The following GPC6 variants were observed in gnomAD, a reference collection of about 807,000 sequenced individuals.
GPC6 encodes glypican 6.
A neutral mutation model predicts 55.2 loss-of-function variants in GPC6; 14 were observed. The ratio of observed to expected loss-of-function variants is 0.25; its 90% CI spans 0.17 to 0.40. The LOEUF (loss-of-function observed/expected upper bound fraction) is 0.40, where lower values mean the gene tolerates loss of function less well. GPC6 is among the 10% of genes least tolerant of loss of function. The probability of loss-of-function intolerance (pLI) is 1.00; values close to 1 mark genes in which losing one functional copy is unlikely to be tolerated. For synonymous variants in GPC6, 278 were observed against 259.6 expected, an observed-to-expected ratio of 1.07 and a Z score of -0.68; for missense variants, 641 against 708.5, an observed-to-expected ratio of 0.90 and a Z score of 1.08.
intron 1 of GPC6, among the ~76,000 whole-genome samples, chr13:93,520,012 CAT>C (rs1401240821): frequency 6.6e-6 from 1 of 151,916 alleles, no homozygotes; most frequent in Admixed American, 6.6e-5. Context: ...CCTATTCTAA[CAT>C]AGAAAGTGTC....
At chr13:93,499,030 C>T (rs925711750) in intron 1 of GPC6, among the ~76,000 whole-genome samples, 4 of 151,684 alleles carry the variant, frequency 2.6e-5, no homozygotes, top group Non-Finnish European at 5.9e-5. Flanking sequence ...TTTATTGATT[C>T]TGGAAATGTA....
At chr13:93,300,719 T>A (rs1187008469) in intron 1 of GPC6, among the ~76,000 whole-genome samples, 1 of 150,498 alleles carries the variant, frequency 6.6e-6, no homozygotes, top group Non-Finnish European at 1.5e-5. Flanking sequence ...CTTTCCTTTA[T>A]ATAGAATTTA....
At chr13:94,305,883 A>T in intron 5 of GPC6, 97 bp from the exon 6 acceptor site, 1 of 1,146,382 alleles carries the variant, frequency 8.7e-7, no homozygotes, top group South Asian at 1.2e-5. Context: ...AAAGTTTCAT[A>T]AGAAATGTGG....
At chr13:94,399,257 T>C (rs1448967412) in intron 8 of GPC6, among the ~76,000 whole-genome samples, 1 of 152,178 alleles carries the variant, frequency 6.6e-6, no homozygotes, top group Admixed American at 6.6e-5. Flanking sequence ...ACACAACCCA[T>C]AGACATTTAT....
intron 1 of GPC6, among the ~76,000 whole-genome samples, chr13:93,531,173 A>C (rs1029748786): frequency 6.6e-6 from 1 of 152,050 alleles, no homozygotes; most frequent in East Asian, 1.9e-4. Flanking sequence ...TATTCTGTTC[A>C]TGGAGTCCCA....
intron 3 of GPC6, among the ~76,000 whole-genome samples, chr13:93,976,539 A>G (rs1197012451): frequency 6.6e-6 from 1 of 151,544 alleles, no homozygotes; most frequent in African/African-American, 2.4e-5. Context: ...GTATAAAGGG[A>G]TGTTACAGCT....
intron 6 of GPC6, among the ~76,000 whole-genome samples, chr13:94,378,581 A>G (rs1477855713): frequency 6.6e-6 from 1 of 152,122 alleles, no homozygotes; most frequent in Admixed American, 6.5e-5. Context: ...GTTTGTCTCT[A>G]CTGACATCAG....
At chr13:93,763,021 T>G (rs1885001810) in intron 2 of GPC6, among the ~76,000 whole-genome samples, 1 of 152,220 alleles carries the variant, frequency 6.6e-6, no homozygotes, top group Non-Finnish European at 1.5e-5. Flanking sequence ...GCTTTATACT[T>G]TTCATTTCTC....
intron 3 of GPC6, among the ~76,000 whole-genome samples, chr13:93,977,956 T>A (rs1880599850): frequency 6.6e-6 from 1 of 152,182 alleles, no homozygotes; most frequent in South Asian, 2.1e-4. Context: ...CTAAAATATC[T>A]TATGCTGAAG....
intron 4 of GPC6, among the ~76,000 whole-genome samples, chr13:94,148,814 C>G (rs960474217): frequency 6.6e-6 from 1 of 152,086 alleles, no homozygotes. Context: ...AGTTTACTCC[C>G]TGGCTTTGTG....
At chr13:94,056,197 C>G (rs1459788019) in intron 4 of GPC6, among the ~76,000 whole-genome samples, 1 of 152,170 alleles carries the variant, frequency 6.6e-6, no homozygotes, top group African/African-American at 2.4e-5. Flanking sequence ...ACACACATGT[C>G]TTGTAACACT....
chr13:94,253,672 G>A (rs1268759531), intron 4 of GPC6, among the ~76,000 whole-genome samples: 2 of 151,980 alleles, frequency 1.3e-5, no homozygotes, highest in African/African-American at 4.8e-5. Flanking sequence ...TATCTGGAGA[G>A]TCATGGTAGT....
chr13:93,771,324 C>A (rs1885284497), intron 2 of GPC6, among the ~76,000 whole-genome samples: 1 of 152,182 alleles, frequency 6.6e-6, no homozygotes. Flanking sequence ...GCAGGAAGAA[C>A]CGGAGAGCAA....
At chr13:93,963,466 G>C (rs1288155992) in intron 3 of GPC6, among the ~76,000 whole-genome samples, 1 of 152,166 alleles carries the variant, frequency 6.6e-6, no homozygotes, top group Non-Finnish European at 1.5e-5. Context: ...TCTCAAGAGA[G>C]GAAGCTTAAA....
chr13:93,727,098 C>G (rs1196974537), intron 2 of GPC6, among the ~76,000 whole-genome samples: 1 of 152,072 alleles, frequency 6.6e-6, no homozygotes, highest in Admixed American at 6.6e-5. Context: ...CACAGTGACA[C>G]TGAAAAGAGA....
chr13:93,375,692 C>A (rs1311839362), intron 1 of GPC6, among the ~76,000 whole-genome samples: 2 of 152,200 alleles, frequency 1.3e-5, no homozygotes, highest in Admixed American at 6.5e-5. Flanking sequence ...AGGGACCTGA[C>A]AGTGGAGTGG....
chr13:93,657,496 C>T (rs1211460669), intron 2 of GPC6, among the ~76,000 whole-genome samples: 1 of 152,012 alleles, frequency 6.6e-6, no homozygotes, highest in Non-Finnish European at 1.5e-5. Flanking sequence ...ACTATAAAAA[C>T]CCTAGAAGAA....
At chr13:94,185,450 A>G (rs891457731) in intron 4 of GPC6, among the ~76,000 whole-genome samples, 2 of 151,986 alleles carry the variant, frequency 1.3e-5, no homozygotes, top group Non-Finnish European at 2.9e-5. Context: ...GACATAGACA[A>G]CGTGTACATA....
chr13:94,109,799 T>G (rs1354935052), intron 4 of GPC6, among the ~76,000 whole-genome samples: 3 of 152,042 alleles, frequency 2.0e-5, no homozygotes, highest in African/African-American at 7.2e-5. Context: ...ATTGAATTTG[T>G]AACAATTATA....
Sources: allele counts gnomAD v4.1 joint callset (sites outside exome capture counted in the v4.1 genomes callset), GRCh38; gene constraint gnomAD v4.1.1; transcripts MANE v1.5; gene names NCBI Gene and HGNC (gene_info 2026-07-23, HGNC 2026-07-21).